Variants in CCSER1 observed in about 807,000 individuals in gnomAD.
The protein encoded by CCSER1 is serine-rich coiled-coil domain-containing protein 1.
A neutral mutation model predicts 82.0 loss-of-function variants in CCSER1; 41 were observed. The ratio of observed to expected loss-of-function variants is 0.50; its 90% CI spans 0.39 to 0.65. The LOEUF (loss-of-function observed/expected upper bound fraction) is 0.65, where lower values mean the gene tolerates loss of function less well. CCSER1 is among the 30% of genes least tolerant of loss of function. The probability of loss-of-function intolerance (pLI) is 0.00; values close to 1 mark genes in which losing one functional copy is unlikely to be tolerated. For missense variants in CCSER1, 1,119 were observed against 1,064.2 expected (o/e 1.05, Z -0.72); for synonymous variants, 414 against 383.9 (o/e 1.08, Z -0.92).
At chr4:91,259,688 AG>A (rs1478160127) in intron 10 of CCSER1, among the ~76,000 whole-genome samples, 2 of 150,664 alleles carry the variant, frequency 1.3e-5, no homozygotes, top group Non-Finnish European at 2.9e-5. Context: ...GAGAACATGC[AG>A]TGTTTGATTT....
intron 1 of CCSER1, among the ~76,000 whole-genome samples, chr4:90,251,555 T>G (rs953895142): frequency 6.6e-6 from 1 of 151,888 alleles, no homozygotes; most frequent in South Asian, 2.1e-4. Flanking sequence ...AAACCAGCAT[T>G]AGATTTCTGG....
At chr4:90,720,916 ATT>A (rs1742563889) in intron 6 of CCSER1, among the ~76,000 whole-genome samples, 1 of 151,986 alleles carries the variant, frequency 6.6e-6, no homozygotes, top group Admixed American at 6.6e-5. Flanking sequence ...GTGACAGAAT[ATT>A]GAGTGAGGAA....
chr4:90,356,987 T>C (rs1744472493), intron 3 of CCSER1, among the ~76,000 whole-genome samples: 1 of 151,924 alleles, frequency 6.6e-6, no homozygotes, highest in African/African-American at 2.4e-5. Context: ...ATCAAATGTA[T>C]TTGGAATATT....
chr4:91,005,462 G>A (rs1325803757), intron 9 of CCSER1, among the ~76,000 whole-genome samples: 1 of 151,782 alleles, frequency 6.6e-6, no homozygotes, highest in African/African-American at 2.4e-5. Flanking sequence ...TCATGAGAAG[G>A]GAATCAATCT....
intron 1 of CCSER1, among the ~76,000 whole-genome samples, chr4:90,188,629 A>G (rs1056870147): frequency 1.3e-5 from 2 of 151,988 alleles, no homozygotes. Flanking sequence ...TGAAATGTTA[A>G]TATTACTCCA....
At chr4:90,152,414 G>C (rs533793682) in intron 1 of CCSER1, among the ~76,000 whole-genome samples, 2 of 152,256 alleles carry the variant, frequency 1.3e-5, no homozygotes, top group African/African-American at 4.8e-5. Flanking sequence ...TTCATCCCTG[G>C]AGCTGAAAAT....
chr4:91,462,456 G>T (rs1234461776), intron 10 of CCSER1, among the ~76,000 whole-genome samples: 2 of 152,062 alleles, frequency 1.3e-5, no homozygotes, highest in African/African-American at 4.8e-5. Context: ...GGTGATTTCT[G>T]CATTTCCAAC....
At position 90,555,744 on chromosome 4, in the gene CCSER1, GATA is replaced by G. The variant is rs531589942; in HGVS notation, c.1725-72275_1725-72273del. On this transcript the variant is annotated intron_variant, in intron 5 of 10. Transcript: ENST00000509176. ...TTGGAGACCTATTTACACTTCATTT[GATA>G]ATAATTGCTAGCATAAGAAAGACAT... is the stretch of plus-strand genomic sequence containing the variant. Among the ~76,000 whole-genome samples the G allele has an allele frequency of 3.9e-5, 6 of 151,954 alleles. No individual in the cohort carries two copies. The South Asian group carries it at 8.3e-4, about 21-fold the overall frequency.
intron 6 of CCSER1, among the ~76,000 whole-genome samples, chr4:90,695,693 A>T (rs867833229): frequency 9.9e-5 from 15 of 152,088 alleles, no homozygotes; most frequent in Middle Eastern, 3.4e-3. Context: ...AAAAGGAAAA[A>T]CCAATCATCT....
intron 7 of CCSER1, among the ~76,000 whole-genome samples, chr4:90,770,727 C>T (rs967821476): frequency 6.6e-6 from 1 of 152,072 alleles, no homozygotes; most frequent in Admixed American, 6.6e-5. Context: ...CACTACAATG[C>T]TTCATTATTT....
chr4:90,821,749 TC>T (rs1759751320), intron 8 of CCSER1, among the ~76,000 whole-genome samples: 1 of 152,184 alleles, frequency 6.6e-6, no homozygotes, highest in Admixed American at 6.5e-5. Flanking sequence ...GATATTTTTC[TC>T]ACTTCTGAGA....
chr4:90,652,845 CCAAGG>C (rs1729021000), intron 6 of CCSER1, among the ~76,000 whole-genome samples: 1 of 150,322 alleles, frequency 6.7e-6, no homozygotes, highest in Non-Finnish European at 1.5e-5. Context: ...CTAGAAGAAT[CCAAGG>C]CCCCATTGTT....
intron 10 of CCSER1, among the ~76,000 whole-genome samples, chr4:91,540,844 TC>T (rs1359018402): frequency 6.6e-6 from 1 of 152,174 alleles, no homozygotes; most frequent in African/African-American, 2.4e-5. Flanking sequence ...TTTCAAAAGA[TC>T]AGTTGATTAT....
rs759584240 is a variant in CCSER1 at position 90,743,293 on chromosome 4, G to T, written c.2010+19302G>T. Among the ~76,000 whole-genome samples, 28 of 134,234 alleles carry T rather than the reference G, an allele frequency of 2.1e-4. No homozygotes were observed. In the South Asian group the frequency reaches 2.2e-3, roughly 11 times the overall value. The allele number at this position is 134,234 out of a possible 152,430, so 88.1% of individuals were successfully genotyped here. Reference sequence around the variant, plus strand: ...GAAGGTAAACAATTGCCAGATGAAAGGATTAAATTATAACTAATAGCAAAA... The same window carrying T: ...GAAGGTAAACAATTGCCAGATGAAATGATTAAATTATAACTAATAGCAAAA... On this transcript the variant is annotated intron_variant, in intron 7 of 10. Transcript: ENST00000509176.
chr4:90,176,911 C>T (rs982408315), intron 1 of CCSER1, among the ~76,000 whole-genome samples: 1 of 151,900 alleles, frequency 6.6e-6, no homozygotes, highest in African/African-American at 2.4e-5. Flanking sequence ...AGTCATATTC[C>T]CCTATTTCAC....
chr4:91,447,685 C>CT (rs1425086379), intron 10 of CCSER1, among the ~76,000 whole-genome samples: 1 of 152,016 alleles, frequency 6.6e-6, no homozygotes, highest in Non-Finnish European at 1.5e-5. Flanking sequence ...ATAGTATATA[C>CT]TTTATGCAGT....
intron 10 of CCSER1, among the ~76,000 whole-genome samples, chr4:91,521,137 T>C (rs1760446640): frequency 6.6e-6 from 1 of 152,184 alleles, no homozygotes; most frequent in Non-Finnish European, 1.5e-5. Flanking sequence ...ATGCAGTGTT[T>C]GGTTTTCTGT....
intron 7 of CCSER1, among the ~76,000 whole-genome samples, chr4:90,729,326 A>G (rs1027036182): frequency 1.3e-5 from 2 of 152,214 alleles, no homozygotes; most frequent in African/African-American, 2.4e-5. Context: ...AAAGAAATAT[A>G]TTTTAAACAT....
At chr4:91,460,960 A>AT (rs1270622355) in intron 10 of CCSER1, among the ~76,000 whole-genome samples, 2 of 152,088 alleles carry the variant, frequency 1.3e-5, no homozygotes, top group Non-Finnish European at 2.9e-5. Context: ...AAAAAATCCC[A>AT]TTTTCCCTGG....
Sources: gnomAD v4.1 joint callset for allele counts (sites outside exome capture counted in the v4.1 genomes callset) on GRCh38, gnomAD v4.1.1 for gene constraint, MANE v1.5 for transcripts, NCBI Gene and HGNC (gene_info 2026-07-23, HGNC 2026-07-21) for gene names.